Variants in TCF7L1 observed in about 807,000 individuals in gnomAD.
The protein encoded by TCF7L1 is transcription factor 7-like 1.
TCF7L1 carries 18 observed loss-of-function variants against 63.7 expected under a neutral mutation model. The observed-to-expected ratio is 0.28, with a 90% confidence interval of 0.20 to 0.42. TCF7L1 has a LOEUF of 0.42. Among genes scored for constraint, TCF7L1 ranks in the 10% least tolerant of loss-of-function variants. TCF7L1 has a pLI of 1.00. For missense variants in TCF7L1, 654 were observed against 779.3 expected, an observed-to-expected ratio of 0.84 and a Z score of 1.91; for synonymous variants, 355 against 340.9, an observed-to-expected ratio of 1.04 and a Z score of -0.46.
In TCF7L1 at chr2:85,282,484, G is replaced by T. The variant is rs190656720; in HGVS notation, c.442-1011G>T. Among the ~76,000 whole-genome samples, 216 of 152,306 alleles carry T rather than the reference G, an allele frequency of 1.4e-3. 1 individual carries two copies. Among genetic ancestry groups the T allele is most frequent in the South Asian group, 2.9e-3 (14 of 4,830 alleles). ...TAATGGTTTGCTTATGGAAATAATA[G>T]GCGTCATTTATCAAATGTCTCCCAT... On this transcript the variant is annotated intron_variant, in intron 3 of 11. Transcript: ENST00000282111.
chr2:85,295,350 T>C (rs1681817208), intron 4 of TCF7L1, among the ~76,000 whole-genome samples: 3 of 152,078 alleles, frequency 2.0e-5, no homozygotes, highest in Admixed American at 2.0e-4. Flanking sequence ...TACAGGCATG[T>C]GCCCGCATGC....
chr2:85,192,293 C>A (rs1648374689), intron 3 of TCF7L1, among the ~76,000 whole-genome samples: 1 of 152,250 alleles, frequency 6.6e-6, no homozygotes, highest in African/African-American at 2.4e-5. Context: ...GCCCCTCTCC[C>A]CCAAACTCAG....
chr2:85,200,308 T>C (rs1322222224), intron 3 of TCF7L1, among the ~76,000 whole-genome samples: 1 of 152,214 alleles, frequency 6.6e-6, no homozygotes, highest in Non-Finnish European at 1.5e-5. Flanking sequence ...CAACCCCTCA[T>C]GCAGTCGAAA....
chr2:85,156,968 G>A (rs1678164656), intron 3 of TCF7L1, among the ~76,000 whole-genome samples: 1 of 152,206 alleles, frequency 6.6e-6, no homozygotes, highest in Non-Finnish European at 1.5e-5. Flanking sequence ...GGTCAGGGAT[G>A]TTGCTAACCA....
intron 4 of TCF7L1, among the ~76,000 whole-genome samples, chr2:85,296,255 T>A (rs564427716): frequency 6.6e-6 from 1 of 152,336 alleles, no homozygotes; most frequent in South Asian, 2.1e-4. Flanking sequence ...GCAGAGGTCC[T>A]TAGCCTGTCT....
At chr2:85,158,725 C>T (rs533455443) in intron 3 of TCF7L1, among the ~76,000 whole-genome samples, 5 of 152,364 alleles carry the variant, frequency 3.3e-5, no homozygotes, top group African/African-American at 1.2e-4. Flanking sequence ...GATTATGCCT[C>T]TCTGTAAGTG....
At chr2:85,277,338 T>C (rs1681297712) in intron 3 of TCF7L1, among the ~76,000 whole-genome samples, 1 of 152,186 alleles carries the variant, frequency 6.6e-6, no homozygotes, top group South Asian at 2.1e-4. Context: ...TCCTGTTACA[T>C]AGAGTTTCTA....
At chr2:85,183,461 T>G (rs1244869147) in intron 3 of TCF7L1, among the ~76,000 whole-genome samples, 1 of 152,202 alleles carries the variant, frequency 6.6e-6, no homozygotes, top group Non-Finnish European at 1.5e-5. Flanking sequence ...TGATGGACTT[T>G]GCTTCTGACA....
At chr2:85,274,164 T>C (rs1681218574) in intron 3 of TCF7L1, among the ~76,000 whole-genome samples, 1 of 152,104 alleles carries the variant, frequency 6.6e-6, no homozygotes, top group South Asian at 2.1e-4. Context: ...AGCACATTGG[T>C]GGCTGGGCAG....
At position 85,304,318 on chromosome 2, in the gene TCF7L1, C is replaced by T. The variant is rs916788621; in HGVS notation, c.825C>T (p.Ala275=). ...TCCGGCACCCTTACCCCGCCCTCGC[C>T]ATGAACGCCTCGATGTCCAGGTGAG... ...GGFRHPYPAL[A]MNASMSSLVS... The change falls in exon 7 of 12, where the codon GCC becomes GCT. Residue 275 remains alanine (A), a synonymous_variant. Transcript: ENST00000282111. 2.5e-6 allele frequency: 4 copies of T among 1,614,120 alleles called. No homozygotes were observed. Among genetic ancestry groups the T allele is most frequent in the Non-Finnish European group, 3.4e-6 (4 of 1,179,998 alleles).
intron 3 of TCF7L1, among the ~76,000 whole-genome samples, chr2:85,201,971 TTTTA>T (rs1679281840): frequency 2.0e-5 from 3 of 151,974 alleles, no homozygotes; most frequent in Admixed American, 1.3e-4. Context: ...ATTTATTTTA[TTTTA>T]TTTTTTTGAG....
intron 3 of TCF7L1, among the ~76,000 whole-genome samples, chr2:85,258,473 G>A (rs1680776891): frequency 6.6e-6 from 1 of 152,156 alleles, no homozygotes; most frequent in African/African-American, 2.4e-5. Flanking sequence ...AGATGTCTGG[G>A]ATGTTTCCAT....
chr2:85,163,759 T>C (rs1678345170), intron 3 of TCF7L1, among the ~76,000 whole-genome samples: 1 of 152,030 alleles, frequency 6.6e-6, no homozygotes, highest in African/African-American at 2.4e-5. Flanking sequence ...GCTCCAGGCC[T>C]CTCTCCTTGG....
chr2:85,164,352 TG>T (rs1255111624), intron 3 of TCF7L1, among the ~76,000 whole-genome samples: 1 of 152,164 alleles, frequency 6.6e-6, no homozygotes, highest in Non-Finnish European at 1.5e-5. Flanking sequence ...CTGTGAGAGA[TG>T]GGCCCCTCTT....
chr2:85,294,227 G>A (rs1040416593), intron 4 of TCF7L1, among the ~76,000 whole-genome samples: 18 of 151,670 alleles, frequency 1.2e-4, no homozygotes, highest in African/African-American at 2.7e-4. Flanking sequence ...TAGTAAAGAC[G>A]GGGTTTCACC....
chr2:85,184,218 C>T (rs552812194), intron 3 of TCF7L1, among the ~76,000 whole-genome samples: 2 of 152,200 alleles, frequency 1.3e-5, no homozygotes, highest in African/African-American at 4.8e-5. Flanking sequence ...TTCCATGGAG[C>T]GAGCCTTTAG....
chr2:85,195,062 G>A lies in TCF7L1; in HGVS notation c.441+60612G>A, dbSNP rs560139298. 4.6e-5 allele frequency among the ~76,000 whole-genome samples: 7 copies of A among 152,344 alleles called. No individual in the cohort carries two copies. The East Asian group carries it at 5.8e-4, about 13-fold the overall frequency. ...TTTTTCGCAGCATTTGCCCTATGGC[G>A]TAGTGGCTGGGACTGTGGGCTTTGA... On this transcript the variant is annotated intron_variant, in intron 3 of 11. Transcript: ENST00000282111.
chr2:85,280,777 A>T (rs1206512678), intron 3 of TCF7L1, among the ~76,000 whole-genome samples: 1 of 152,212 alleles, frequency 6.6e-6, no homozygotes, highest in Non-Finnish European at 1.5e-5. Flanking sequence ...GAACACTGAC[A>T]TGCATGGACC....
At chr2:85,144,094 A>G (rs1383375900) in intron 3 of TCF7L1, among the ~76,000 whole-genome samples, 5 of 152,238 alleles carry the variant, frequency 3.3e-5, no homozygotes, top group South Asian at 2.1e-4. Context: ...TAAACTTACT[A>G]TACTCACAAT....
Sources: gnomAD v4.1 joint callset for allele counts (sites outside exome capture counted in the v4.1 genomes callset) on GRCh38, gnomAD v4.1.1 for gene constraint, MANE v1.5 for transcripts, NCBI Gene and HGNC (gene_info 2026-07-23, HGNC 2026-07-21) for gene names.